Variants in TANGO2 observed in about 807,000 individuals in gnomAD.
TANGO2 encodes the protein transport and golgi organization 2 homolog, also known as transport and Golgi organization protein 2 homolog.
Under a neutral mutation model 39.1 loss-of-function variants are expected in TANGO2, and 26 were observed. The ratio of observed to expected loss-of-function variants is 0.67; its 90% CI spans 0.49 to 0.92. TANGO2 has a LOEUF of 0.92. TANGO2 is among the 40% of genes least tolerant of loss of function. TANGO2 has a pLI of 0.00. For synonymous variants in TANGO2, 131 were observed against 144.5 expected (o/e 0.91, Z 0.67); for missense variants, 326 against 360.1 (o/e 0.91, Z 0.77).
At chr22:20,039,440 C>T in intron 2 of TANGO2, among the ~76,000 whole-genome samples, 1 of 151,294 alleles carries the variant, frequency 6.6e-6, no homozygotes, top group Non-Finnish European at 1.5e-5. Flanking sequence ...ACCAGCCTGG[C>T]CAACATGGTG....
rs2042934686 is a variant in TANGO2 at position 20,036,832 on chromosome 22, C to A, written c.34C>A (p.Pro12Thr). ...CIIFFKFDPR[P>T]VSKNAYRLIL... ...CATCTTCTTTAAGTTTGATCCTCGC[C>A]CTGTTTCCAAAAACGCGTACAGGTA... is the stretch of plus-strand genomic sequence containing the variant. The change falls in exon 2 of 9, where the codon CCT (proline) becomes ACT (threonine). Residue 12 changes from proline to threonine, a missense_variant. By Grantham distance (38) the Pro-to-Thr change is conservative. Coordinates refer to ENST00000327374, the MANE Select transcript of TANGO2 (RefSeq NM_152906.7). 6.2e-7 allele frequency: 1 copy of A among 1,614,124 alleles called. No individual in the cohort carries two copies. Among genetic ancestry groups the A allele is most frequent in the Non-Finnish European group, 8.5e-7 (1 of 1,180,048 alleles).
At chr22:20,041,924 T>C (rs1440749733) in intron 2 of TANGO2, among the ~76,000 whole-genome samples, 1 of 152,224 alleles carries the variant, frequency 6.6e-6, no homozygotes, top group Non-Finnish European at 1.5e-5. Context: ...GCAGGACAGC[T>C]GAGCTCTGCT....
intron 2 of TANGO2, among the ~76,000 whole-genome samples, chr22:20,038,006 G>T (rs960149046): frequency 6.6e-6 from 1 of 152,124 alleles, no homozygotes; most frequent in African/African-American, 2.4e-5. Flanking sequence ...AGAGAATGGC[G>T]TGAACCTGGG....
chr22:20,027,146 T>C (rs2040915621), intron 1 of TANGO2, among the ~76,000 whole-genome samples: 1 of 151,876 alleles, frequency 6.6e-6, no homozygotes, highest in South Asian at 2.1e-4. Flanking sequence ...AAGAGAGAGA[T>C]GGGGGAGGTG....
chr22:20,049,460 A>C (rs775276084), intron 3 of TANGO2, among the ~76,000 whole-genome samples: 1 of 152,084 alleles, frequency 6.6e-6, no homozygotes, highest in South Asian at 2.1e-4. Context: ...TGGGAGTTCA[A>C]GACCAGCCTG....
rs905379430 is a variant in TANGO2 at position 20,064,893 on chromosome 22, G to A, written c.*231G>A. The A allele has an allele frequency of 1.3e-5, 7 of 548,104 alleles. No homozygotes were observed. The highest frequency in any genetic ancestry group is 1.9e-5 in the Non-Finnish European group (6 of 311,540). The allele number at this position is 548,104 out of a possible 1,614,324, so 34.0% of individuals were successfully genotyped here. On this transcript the variant is annotated 3_prime_UTR_variant, in exon 9 of 9. Transcript: ENST00000327374. The stretch of plus-strand genomic sequence containing the variant: ...AGAGTCTGATACTAGGTCTAGGACC[G>A]GCCGAGGTATACCATGAACATGTGG...
chr22:20,029,511 T>G (rs2041433950), intron 1 of TANGO2, among the ~76,000 whole-genome samples: 1 of 152,194 alleles, frequency 6.6e-6, no homozygotes, highest in Non-Finnish European at 1.5e-5. Flanking sequence ...ACTGGTATTC[T>G]TAGAGGACGG....
intron 2 of TANGO2, among the ~76,000 whole-genome samples, chr22:20,038,053 C>T (rs746859684): frequency 1.7e-4 from 26 of 152,148 alleles, no homozygotes; most frequent in Non-Finnish European, 3.7e-4. Flanking sequence ...TGCGCCACTG[C>T]ACTCCAGCAT....
intron 7 of TANGO2, 87 bp from the exon 8 acceptor site, chr22:20,063,251 G>A (rs2048711259): frequency 1.7e-6 from 2 of 1,188,672 alleles, no homozygotes; most frequent in Non-Finnish European, 2.5e-6. Context: ...CCCAGAGCCA[G>A]TTAGGCCACC....
intron 3 of TANGO2, among the ~76,000 whole-genome samples, chr22:20,046,599 G>A (rs2045263909): frequency 6.6e-6 from 1 of 151,674 alleles, no homozygotes; most frequent in Non-Finnish European, 1.5e-5. Flanking sequence ...TGAGTAGCTG[G>A]GATTACAGGC....
chr22:20,040,659 T>C (rs990037098), intron 2 of TANGO2, among the ~76,000 whole-genome samples: 1 of 152,098 alleles, frequency 6.6e-6, no homozygotes, highest in Admixed American at 6.5e-5. Context: ...ACACAACCAA[T>C]GGGCACCTAC....
At chr22:20,019,387 G>C (rs1302490227), upstream of TANGO2, 1 of 152,244 alleles carries the variant, frequency 6.6e-6, no homozygotes, top group Admixed American at 6.5e-5. Flanking sequence ...GGGCTTAGGT[G>C]CCCATCCTAG....
chr22:20,052,490 A>C lies in TANGO2; in HGVS notation c.171A>C (p.Glu57Asp). The C allele has an allele frequency of 1.9e-6, 3 of 1,606,628 alleles. No homozygotes were observed. Among genetic ancestry groups the C allele is most frequent in the Non-Finnish European group, 2.5e-6 (3 of 1,176,714 alleles). Residue 57 changes from glutamate (E) to aspartate (D), a missense_variant, in exon 4 of 9, where the codon GAA (glutamate) becomes GAC (aspartate). Glu to Asp is a conservative substitution (Grantham distance 45, BLOSUM62 2). Transcript: ENST00000327374. Reference sequence around the variant, plus strand: ...GGCTGGACATGGAGGAAGGCAAGGAAGGAGGCACATGGCTGGGCATCAGCA... The same window carrying C: ...GGCTGGACATGGAGGAAGGCAAGGACGGAGGCACATGGCTGGGCATCAGCA... Reference protein sequence around the residue: ...LSGLDMEEGKEGGTWLGISTR... With the variant: ...LSGLDMEEGKDGGTWLGISTR...
At chr22:20,037,492 A>G (rs1164962030) in intron 2 of TANGO2, among the ~76,000 whole-genome samples, 2 of 152,202 alleles carry the variant, frequency 1.3e-5, no homozygotes, top group Admixed American at 6.6e-5. Flanking sequence ...CTGCTCGGGA[A>G]GTTTTCATCA....
chr22:20,033,238 G>C (rs185164582), intron 1 of TANGO2: 1 of 527,992 alleles, frequency 1.9e-6, no homozygotes, highest in Non-Finnish European at 3.9e-6. Flanking sequence ...CGTCTTCGTC[G>C]AGGCCACAGC....
chr22:20,053,949 T>G, intron 5 of TANGO2: 1 of 351,720 alleles, frequency 2.8e-6, no homozygotes, highest in Non-Finnish European at 5.6e-6. Context: ...CCGCAGGAAC[T>G]GCGGAGGTTT....
At chr22:20,027,964 A>G (rs2041107567) in intron 1 of TANGO2, among the ~76,000 whole-genome samples, 2 of 151,930 alleles carry the variant, frequency 1.3e-5, no homozygotes, top group South Asian at 4.2e-4. Context: ...ATGCCTGGCT[A>G]ATTTTTGTAT....
intron 1 of TANGO2, among the ~76,000 whole-genome samples, chr22:20,028,936 C>T (rs1197710495): frequency 6.6e-6 from 1 of 152,240 alleles, no homozygotes; most frequent in Non-Finnish European, 1.5e-5. Flanking sequence ...GCCAGGGAAG[C>T]AGATCCTCAC....
Position 20,037,086 on chromosome 22 carries a change from C to T in TANGO2, c.56+232C>T, listed in dbSNP as rs750619424. The T allele has an allele frequency of 1.8e-5, 28 of 1,529,602 alleles. No homozygotes were observed. The South Asian group carries it at 2.5e-4, about 13-fold the overall frequency. 94.8% of individuals were successfully genotyped at this position (1,529,602 alleles called of 1,614,324 possible). On this transcript the variant is annotated intron_variant, in intron 2 of 8. Coordinates refer to ENST00000327374, the MANE Select transcript of TANGO2 (RefSeq NM_152906.7). ...GACGTGAAGACTCAGCCACAGAAGG[C>T]AGCCACAGGTAGGACAGAGGAGTGA...
Sources: allele counts gnomAD v4.1 joint callset (sites outside exome capture counted in the v4.1 genomes callset), GRCh38; gene constraint gnomAD v4.1.1; transcripts MANE v1.5; gene names NCBI Gene and HGNC (gene_info 2026-07-23, HGNC 2026-07-21).